LPCAT1: variants seen among roughly 807,000 people sequenced by gnomAD.
LPCAT1 encodes lysophosphatidylcholine acyltransferase 1.
LPCAT1 carries 23 observed loss-of-function variants against 60.9 expected under a neutral mutation model. The ratio of observed to expected loss-of-function variants is 0.38; its 90% CI spans 0.27 to 0.53. LPCAT1 has a LOEUF of 0.53. LPCAT1 is among the 20% of genes least tolerant of loss of function. The pLI is 0.82. For synonymous variants in LPCAT1, 340 were observed against 301.1 expected (o/e 1.13, Z -1.34); for missense variants, 622 against 723.6 (o/e 0.86, Z 1.61).
Position 1,473,978 on chromosome 5 carries a change from G to C in LPCAT1, c.1158C>G (p.Asp386Glu), listed in dbSNP as rs1409783773. ...LEVPVSDLLE[D>E]MFSLFDESGS... is the part of the protein sequence containing the mutation. ...CTACCTCGTCGAACAGTGAAAACAT[G>C]TCTTCCAGCAAGTCAGAAACGGGGA... Residue 386 changes from aspartate (D) to glutamate (E), a missense_variant, in exon 11 of 14, where the codon GAC becomes GAG. This residue lies in a region of LPCAT1 where 288 missense variants were observed against 283.6 expected (regional missense o/e 1.02). Coordinates refer to ENST00000283415, the MANE Select transcript of LPCAT1 (RefSeq NM_024830.5). 6.2e-7 allele frequency: 1 copy of C among 1,614,200 alleles called. No individual in the cohort carries two copies. The highest frequency in any genetic ancestry group is 8.5e-7 in the Non-Finnish European group (1 of 1,180,044).
At chr5:1,517,477 G>T (rs573833001) in intron 1 of LPCAT1, among the ~76,000 whole-genome samples, 2 of 152,174 alleles carry the variant, frequency 1.3e-5, no homozygotes, top group Admixed American at 1.3e-4. Flanking sequence ...AGGGAGCCAC[G>T]TTCTCCGCTG....
intron 10 of LPCAT1, 43 bp downstream of exon 10, chr5:1,474,517 C>G: frequency 6.2e-7 from 1 of 1,603,042 alleles, no homozygotes; most frequent in Non-Finnish European, 8.5e-7. Context: ...CTCGGCATCA[C>G]GGGTTCTAGC....
chr5:1,510,233 C>T lies in LPCAT1; in HGVS notation c.136-8630G>A, dbSNP rs540628901. On this transcript the variant is annotated intron_variant, in intron 1 of 13. Transcript: ENST00000283415. Reference sequence around the variant, plus strand: ...GCAGGAACCCCTCTCCCCCACAGCCCGTGCTTACTGCTATCTATAAAGCTG... The same window carrying T: ...GCAGGAACCCCTCTCCCCCACAGCCTGTGCTTACTGCTATCTATAAAGCTG... 2.6e-5 allele frequency among the ~76,000 whole-genome samples: 4 copies of T among 152,294 alleles called. 1 individual carries two copies. The South Asian group carries it at 8.3e-4, about 32-fold the overall frequency.
In LPCAT1 at chr5:1,465,925, A is replaced by G. The variant is rs181762085; in HGVS notation, c.1420+824T>C. On this transcript the variant is annotated intron_variant, in intron 13 of 13. Transcript: ENST00000283415. Reference sequence around the variant, plus strand: ...CACGTGTGCACACACACGGTAACTAAGCACACATACATGCTTTCAATACTG... The same window carrying G: ...CACGTGTGCACACACACGGTAACTAGGCACACATACATGCTTTCAATACTG... Among the ~76,000 whole-genome samples the G allele has an allele frequency of 2.0e-5, 3 of 152,390 alleles. No homozygotes were observed. In the East Asian group the frequency reaches 5.8e-4, roughly 29 times the overall value.
At chr5:1,519,410 T>G (rs1239395641) in intron 1 of LPCAT1, among the ~76,000 whole-genome samples, 7 of 152,234 alleles carry the variant, frequency 4.6e-5, no homozygotes, top group Admixed American at 2.0e-4. Context: ...AAAAGTAAAG[T>G]CTTTTCCGAT....
At chr5:1,494,611 G>GGC in intron 3 of LPCAT1, 89 bp downstream of exon 3, 1 of 1,245,222 alleles carries the variant, frequency 8.0e-7, no homozygotes, top group Non-Finnish European at 1.2e-6. Context: ...CTCCCAGCAG[G>GGC]AGGGGAATCT....
At position 1,521,431 on chromosome 5, in the gene LPCAT1, G is replaced by T; in HGVS notation, c.135+2279C>A. ...CTACTGGACCCATTTCTTTCTTTGG[G>T]GAAGAAGGCTTTCTTGGCTTGAAAG... On this transcript the variant is annotated intron_variant, in intron 1 of 13. Transcript: ENST00000283415. This position sits in a 1 kb window ranked among gnomAD's most constrained non-coding sequence, Gnocchi z 4.3. 4.1e-6 allele frequency: 4 copies of T among 985,340 alleles called. No homozygotes were observed. Among genetic ancestry groups the T allele is most frequent in the Non-Finnish European group, 4.8e-6 (4 of 829,872 alleles). The allele number at this position is 985,340 out of a possible 1,614,324, so 61.0% of individuals were successfully genotyped here.
chr5:1,501,008 C>T (rs1735983805), intron 2 of LPCAT1, among the ~76,000 whole-genome samples: 1 of 152,144 alleles, frequency 6.6e-6, no homozygotes, highest in Admixed American at 6.5e-5. Context: ...CACTCACAGC[C>T]TGAGGGTCTG....
At chr5:1,507,628 C>G (rs181455096) in intron 1 of LPCAT1, among the ~76,000 whole-genome samples, 1 of 152,118 alleles carries the variant, frequency 6.6e-6, no homozygotes, top group African/African-American at 2.4e-5. Context: ...AGGGGCCGGG[C>G]GCGAGCGCTC....
chr5:1,478,295 T>C (rs1735004708), intron 8 of LPCAT1, among the ~76,000 whole-genome samples: 1 of 152,274 alleles, frequency 6.6e-6, no homozygotes, highest in African/African-American at 2.4e-5. Context: ...TATTTCAGAA[T>C]ACAGGAACAT....
intron 13 of LPCAT1, among the ~76,000 whole-genome samples, chr5:1,464,834 GTA>G (rs1734274215): frequency 6.9e-6 from 1 of 144,598 alleles, no homozygotes; most frequent in African/African-American, 2.6e-5. Context: ...ACACATGCAC[GTA>G]CACACAAGTG....
At chr5:1,519,960 G>C (rs926739999) in intron 1 of LPCAT1, among the ~76,000 whole-genome samples, 5 of 152,194 alleles carry the variant, frequency 3.3e-5, no homozygotes, top group African/African-American at 1.2e-4. Context: ...GGGCTCCTTG[G>C]CCCACCCCAC....
chr5:1,483,250 C>A lies in LPCAT1; in HGVS notation c.726+178G>T, dbSNP rs553822224. 3.3e-5 allele frequency among the ~76,000 whole-genome samples: 5 copies of A among 152,264 alleles called. 1 individual carries two copies. The South Asian group carries it at 1.0e-3, about 32-fold the overall frequency. On this transcript the variant is annotated intron_variant, in intron 6 of 13. Coordinates refer to ENST00000283415, the MANE Select transcript of LPCAT1 (RefSeq NM_024830.5). This position sits in a 1 kb window ranked among gnomAD's most constrained non-coding sequence, Gnocchi z 9.2. ...CTCAGGAACGTGCCGAGCCCAGGGC[C>A]CGGGCCTGTCCTGCCCTCTCCAGCG...
Position 1,523,775 on chromosome 5 carries a change from G to A in LPCAT1, c.70C>T (p.Leu24=). 9 of 1,150,280 alleles carry A rather than the reference G, an allele frequency of 7.8e-6. No individual in the cohort carries two copies. Among genetic ancestry groups the A allele is most frequent in the South Asian group, 2.7e-5 (1 of 37,304 alleles). 71.3% of individuals were successfully genotyped at this position (1,150,280 alleles called of 1,614,324 possible). Residue 24 remains leucine (L), a synonymous_variant, in exon 1 of 14, where the codon CTG becomes TTG. Coordinates refer to ENST00000283415, the MANE Select transcript of LPCAT1 (RefSeq NM_024830.5). The surrounding 1 kb of genome is among the most constrained non-coding windows in gnomAD (Gnocchi z 7.1). The part of the protein sequence containing the change: ...SSAGASDARL[L]APPGRNPFVH... ...AAGGGGTTCCGCCCCGGGGGCGCCA[G>A]CAGCCGAGCGTCGCTGGCCCCTGCG...
At chr5:1,513,399 G>A (rs6554865) in intron 1 of LPCAT1, among the ~76,000 whole-genome samples, 4,489 of 152,258 alleles carry the variant, frequency 0.029, 261 homozygotes, top group African/African-American at 0.1. Flanking sequence ...TTGCTGCCTG[G>A]TGACCCCGAG....
chr5:1,506,365 C>T (rs915879771), intron 1 of LPCAT1, among the ~76,000 whole-genome samples: 1 of 152,236 alleles, frequency 6.6e-6, no homozygotes, highest in Admixed American at 6.5e-5. Flanking sequence ...CCAAGGAGAA[C>T]AGGACTTGGG....
In LPCAT1 at chr5:1,483,445, G is replaced by A; in HGVS notation, c.709C>T (p.Arg237Ter). Residue 237 changes from arginine to a stop codon, truncating the protein, a stop_gained, in exon 6 of 14, where the codon CGA (arginine) becomes TGA (stop). Coordinates refer to ENST00000283415, the MANE Select transcript of LPCAT1 (RefSeq NM_024830.5). LOFTEE classifies it high-confidence loss of function. This position sits in a 1 kb window ranked among gnomAD's most constrained non-coding sequence, Gnocchi z 9.2. Reference sequence around the variant, plus strand: ...CAACTCACCAGTTTATTTGGATATCGTAAAACCACAGGCTGGACGGGCGCT... The same window carrying A: ...CAACTCACCAGTTTATTTGGATATCATAAAACCACAGGCTGGACGGGCGCT... ...PGAPVQPVVL[R>*]YPNKLDTITW... is the part of the protein sequence containing the mutation. 4 of 1,613,786 alleles carry A rather than the reference G, an allele frequency of 2.5e-6. No homozygotes were observed. The highest frequency in any genetic ancestry group is 3.4e-6 in the Non-Finnish European group (4 of 1,180,022).
rs1734953278 is a variant in LPCAT1, at chr5:1,477,185, T to G, written c.899+219A>C. 6.6e-6 allele frequency among the ~76,000 whole-genome samples: 1 copy of G among 152,188 alleles called. No homozygotes were observed. Among genetic ancestry groups the G allele is most frequent in the Non-Finnish European group, 1.5e-5 (1 of 68,038 alleles). ...CAGGCAGGTCTGGAAGAACCAGTCA[T>G]GCATCTTCCCAACGTCAAAGAGGGT... is the stretch of plus-strand genomic sequence containing the variant. On this transcript the variant is annotated intron_variant, in intron 9 of 13. Transcript: ENST00000283415. The surrounding 1 kb of genome is among the most constrained non-coding windows in gnomAD (Gnocchi z 6.0).
intron 3 of LPCAT1, among the ~76,000 whole-genome samples, chr5:1,491,851 T>G (rs964428911): frequency 3.9e-5 from 6 of 152,260 alleles, no homozygotes; most frequent in African/African-American, 1.4e-4. Context: ...TTCATTGGTA[T>G]TCATACATCT....
Sources: allele counts gnomAD v4.1 joint callset (sites outside exome capture counted in the v4.1 genomes callset), GRCh38; gene constraint gnomAD v4.1.1; regional missense constraint gnomAD v4.1.1; non-coding constraint Gnocchi (gnomAD v3.1); transcripts MANE v1.5; gene names NCBI Gene and HGNC (gene_info 2026-07-23, HGNC 2026-07-21).